The following FKBP5 variants were observed in gnomAD, a reference collection of about 807,000 sequenced individuals.
FKBP5 encodes the protein FKBP prolyl isomerase 5.
A neutral mutation model predicts 50.5 loss-of-function variants in FKBP5; 23 were observed. That is an observed-to-expected ratio of 0.46 (90% confidence interval 0.33 to 0.65). The LOEUF is 0.65. Among genes scored for constraint, FKBP5 ranks in the 30% least tolerant of loss-of-function variants. The pLI is 0.02. For synonymous variants in FKBP5, 176 were observed against 190.6 expected (o/e 0.92, Z 0.63); for missense variants, 411 against 553.1 (o/e 0.74, Z 2.58).
intron 2 of FKBP5, among the ~76,000 whole-genome samples, chr6:35,698,368 C>T (rs1022250413): frequency 1.3e-5 from 2 of 151,808 alleles, no homozygotes; most frequent in Non-Finnish European, 1.5e-5. Context: ...ATAAATAAGG[C>T]CGGGCGCGGT....
intron 1 of FKBP5, among the ~76,000 whole-genome samples, chr6:35,672,144 A>C (rs1009729369): frequency 2.6e-5 from 4 of 152,186 alleles, no homozygotes; most frequent in African/African-American, 9.7e-5. Flanking sequence ...CTGGGATTAC[A>C]GGCGTGAGCG....
intron 1 of FKBP5, among the ~76,000 whole-genome samples, chr6:35,688,322 C>T (rs556255180): frequency 6.6e-5 from 10 of 152,250 alleles, no homozygotes; most frequent in Admixed American, 3.9e-4. Flanking sequence ...TCCCGGCGCC[C>T]GGACCCGAAA....
At chr6:35,688,190 C>A (rs533876911) in intron 1 of FKBP5, among the ~76,000 whole-genome samples, 1 of 152,360 alleles carries the variant, frequency 6.6e-6, no homozygotes, top group Non-Finnish European at 1.5e-5. Flanking sequence ...AAGGCGGGGA[C>A]CGCCCGTCCA....
intron 6 of FKBP5, among the ~76,000 whole-genome samples, chr6:35,596,260 C>A (rs1015954645): frequency 6.6e-6 from 1 of 151,956 alleles, no homozygotes; most frequent in Admixed American, 6.6e-5. Context: ...GAGGCTGAGG[C>A]AGGAAAATTG....
rs150307804 is a variant in FKBP5, at chr6:35,584,076, C to T, written c.840+2958G>A. ...GCTGCCAAGTCAGAAAAAAGAAAAACACTGACCAGGTGTGAGTTAATGCTC... is the reference window on the plus strand; with the variant it reads ...GCTGCCAAGTCAGAAAAAAGAAAAATACTGACCAGGTGTGAGTTAATGCTC... On this transcript the variant is annotated intron_variant, in intron 8 of 10. Coordinates refer to ENST00000357266, the MANE Select transcript of FKBP5 (RefSeq NM_004117.4). 239 of 985,434 alleles carry T rather than the reference C, an allele frequency of 2.4e-4. 1 individual carries two copies. In the African/African-American group the frequency reaches 4.0e-3, roughly 16 times the overall value. 61.0% of individuals were successfully genotyped at this position (985,434 alleles called of 1,614,324 possible).
chr6:35,728,531 C>T (rs1057208076), exon 1 of FKBP5: 2 of 152,352 alleles, frequency 1.3e-5, no homozygotes, highest in African/African-American at 2.4e-5. Flanking sequence ...CTCGGAAGGT[C>T]TTGGCATGGG....
intron 3 of FKBP5, among the ~76,000 whole-genome samples, chr6:35,634,810 CAT>C (rs1764261874): frequency 6.6e-6 from 1 of 152,108 alleles, no homozygotes; most frequent in Non-Finnish European, 1.5e-5. Context: ...CAATAAGCCA[CAT>C]GTTCTACAAA....
At chr6:35,679,262 C>T (rs564703302) in intron 1 of FKBP5, among the ~76,000 whole-genome samples, 2 of 152,334 alleles carry the variant, frequency 1.3e-5, no homozygotes, top group South Asian at 4.1e-4. Context: ...GGTCTACTTA[C>T]AGGTATACTT....
chr6:35,642,663 C>T (rs2150989349), intron 2 of FKBP5, 57 bp downstream of exon 2: 1 of 1,358,674 alleles, frequency 7.4e-7, no homozygotes, highest in Non-Finnish European at 1.0e-6. Context: ...GAAAGAGATG[C>T]TATAATCTTT....
intron 5 of FKBP5, among the ~76,000 whole-genome samples, chr6:35,613,878 C>T (rs1481910427): frequency 6.6e-6 from 1 of 152,084 alleles, no homozygotes; most frequent in Non-Finnish European, 1.5e-5. Flanking sequence ...TTAGTCATTG[C>T]CCTTTCTTTT....
chr6:35,675,152 G>C (rs566598594), intron 1 of FKBP5, among the ~76,000 whole-genome samples: 13 of 152,220 alleles, frequency 8.5e-5, no homozygotes, highest in Non-Finnish European at 1.8e-4. Flanking sequence ...TGTCCCTCTC[G>C]CATGTTATAG....
chr6:35,601,711 G>C (rs1763149565), intron 5 of FKBP5, among the ~76,000 whole-genome samples: 3 of 152,248 alleles, frequency 2.0e-5, no homozygotes, highest in Admixed American at 1.3e-4. Context: ...CACTGGGAGT[G>C]CAGCCTGTAG....
chr6:35,716,964 G>A (rs1284036663), intron 2 of FKBP5, among the ~76,000 whole-genome samples: 1 of 152,202 alleles, frequency 6.6e-6, no homozygotes, highest in East Asian at 1.9e-4. Flanking sequence ...AGGGAGGAGT[G>A]TGGCAGTGAG....
At chr6:35,596,391 G>A (rs1246102894) in intron 6 of FKBP5, among the ~76,000 whole-genome samples, 1 of 151,908 alleles carries the variant, frequency 6.6e-6, no homozygotes, top group Non-Finnish European at 1.5e-5. Context: ...CAAGTGCTGG[G>A]GCAAAGGTAA....
chr6:35,631,097 A>C (rs1277946184), intron 3 of FKBP5, among the ~76,000 whole-genome samples: 1 of 152,226 alleles, frequency 6.6e-6, no homozygotes, highest in Non-Finnish European at 1.5e-5. Flanking sequence ...AACAAAAACC[A>C]AGGTGAGATA....
intron 2 of FKBP5, among the ~76,000 whole-genome samples, chr6:35,694,744 T>C (rs1264057346): frequency 1.3e-5 from 2 of 152,180 alleles, no homozygotes; most frequent in Admixed American, 1.3e-4. Flanking sequence ...CTTTACTCAA[T>C]TGTGCAGTTC....
At chr6:35,668,586 G>T (rs1765293357) in intron 1 of FKBP5, among the ~76,000 whole-genome samples, 1 of 151,968 alleles carries the variant, frequency 6.6e-6, no homozygotes, top group African/African-American at 2.4e-5. Flanking sequence ...CATAAAACTG[G>T]AATGGAATAG....
chr6:35,604,705 C>T (rs938632144), intron 5 of FKBP5, among the ~76,000 whole-genome samples: 2 of 152,062 alleles, frequency 1.3e-5, no homozygotes, highest in Non-Finnish European at 2.9e-5. Context: ...AGACCTTTTG[C>T]CTTTAATAGG....
At chr6:35,669,999 T>G (rs1174623737) in intron 1 of FKBP5, among the ~76,000 whole-genome samples, 1 of 152,204 alleles carries the variant, frequency 6.6e-6, no homozygotes, top group Non-Finnish European at 1.5e-5. Context: ...ATTTCTCAAG[T>G]GATTTATGCT....
Sources: gnomAD v4.1 joint callset for allele counts (sites outside exome capture counted in the v4.1 genomes callset) on GRCh38, gnomAD v4.1.1 for gene constraint, MANE v1.5 for transcripts, NCBI Gene and HGNC (gene_info 2026-07-23, HGNC 2026-07-21) for gene names.